The following LARP4B variants were observed in gnomAD, a reference collection of about 807,000 sequenced individuals.
The protein encoded by LARP4B is la-related protein 4B.
In LARP4B, 12 loss-of-function variants were observed where a neutral mutation model predicts 89.8. That is an observed-to-expected ratio of 0.13 (90% CI 0.09 to 0.22). LARP4B has a LOEUF of 0.22. Among genes scored for constraint, LARP4B ranks in the 10% least tolerant of loss-of-function variants. The probability of loss-of-function intolerance (pLI) is 1.00; values close to 1 mark genes in which losing one functional copy is unlikely to be tolerated. For missense variants in LARP4B, 757 were observed against 947.7 expected (o/e 0.80, Z 2.64); for synonymous variants, 367 against 363.3 (o/e 1.01, Z -0.12).
At chr10:956,205 C>G in the LARP4B span, among the ~76,000 whole-genome samples, 4 of 152,162 alleles carry the variant, frequency 2.6e-5, no homozygotes. This position sits in a 1 kb window ranked among gnomAD's most constrained non-coding sequence, Gnocchi z 4.3. Flanking sequence ...TACAGCTGAG[C>G]GTGACGGCAG....
intron 5 of LARP4B, among the ~76,000 whole-genome samples, chr10:847,851 C>T (rs1223683548): frequency 6.6e-6 from 1 of 152,158 alleles, no homozygotes; most frequent in African/African-American, 2.4e-5. Context: ...TTAAAGTAAC[C>T]CCCACAAGTC....
chr10:967,787 G>A, the LARP4B span, among the ~76,000 whole-genome samples: 15 of 152,220 alleles, frequency 9.9e-5, no homozygotes, highest in Non-Finnish European at 1.5e-4. Context: ...TGCAACCTCC[G>A]CCTCCTGGGC....
chr10:875,673 C>T (rs1162514219), intron 3 of LARP4B, among the ~76,000 whole-genome samples: 1 of 152,218 alleles, frequency 6.6e-6, no homozygotes, highest in African/African-American at 2.4e-5. Context: ...TGCACCATCA[C>T]ACATGTGAGG....
the LARP4B span, chr10:972,910 A>G: frequency 4.0e-5 from 18 of 454,920 alleles, no homozygotes; most frequent in South Asian, 2.6e-4. Flanking sequence ...GCTGAGCCAC[A>G]TCGAGTTTTC....
At chr10:904,918 T>C (rs1162860395) in intron 1 of LARP4B, among the ~76,000 whole-genome samples, 1 of 152,236 alleles carries the variant, frequency 6.6e-6, no homozygotes, top group Non-Finnish European at 1.5e-5. Flanking sequence ...CATGGGTGGC[T>C]GGGATGGTGA....
chr10:845,805 G>A (rs1424573041), intron 5 of LARP4B, among the ~76,000 whole-genome samples: 1 of 152,178 alleles, frequency 6.6e-6, no homozygotes, highest in African/African-American at 2.4e-5. Context: ...GCACTGAAAT[G>A]CTAAGAACTA....
At chr10:920,615 ACTATAAAAATAAGCTGGGCATGGTGACGT>A (rs1396525545) in intron 1 of LARP4B, among the ~76,000 whole-genome samples, 1 of 151,988 alleles carries the variant, frequency 6.6e-6, no homozygotes. Flanking sequence ...CTCTACTAAA[ACTATAAAAATAAGCTGGGCATGGTGACGT>A]GCCTGTAGTC....
At chr10:938,258 T>C in the LARP4B span, among the ~76,000 whole-genome samples, 1 of 148,912 alleles carries the variant, frequency 6.7e-6, no homozygotes, top group African/African-American at 2.5e-5. Context: ...TTTTCTTTTT[T>C]TTTTTTTTTG....
intron 1 of LARP4B, among the ~76,000 whole-genome samples, chr10:897,031 C>T (rs1282555611): frequency 3.4e-5 from 5 of 147,224 alleles, no homozygotes; most frequent in Non-Finnish European, 7.4e-5. Flanking sequence ...TGAGCTGATC[C>T]TAAAATTCCT....
At chr10:907,042 T>C (rs1045630832) in intron 1 of LARP4B, among the ~76,000 whole-genome samples, 1 of 152,142 alleles carries the variant, frequency 6.6e-6, no homozygotes, top group African/African-American at 2.4e-5. Flanking sequence ...ACTGAGATGC[T>C]CTCCCCATCC....
At chr10:914,833 GA>G (rs1308777058) in intron 1 of LARP4B, among the ~76,000 whole-genome samples, 1,710 of 59,196 alleles carry the variant, frequency 0.029, 27 homozygotes, top group African/African-American at 0.089. Flanking sequence ...CCCCAGCAAA[GA>G]AAAAAAAAAA....
chr10:901,232 A>G (rs1836335763), intron 1 of LARP4B, among the ~76,000 whole-genome samples: 1 of 152,188 alleles, frequency 6.6e-6, no homozygotes, highest in Non-Finnish European at 1.5e-5. Flanking sequence ...ATATTTCTTA[A>G]CAGAAATTTT....
intron 3 of LARP4B, among the ~76,000 whole-genome samples, chr10:870,832 A>G (rs1162938041): frequency 6.6e-6 from 1 of 152,220 alleles, no homozygotes. Flanking sequence ...TACCACCACT[A>G]ACAGAATTCT....
chr10:856,695 G>T (rs1343748484), intron 5 of LARP4B, among the ~76,000 whole-genome samples: 1 of 152,202 alleles, frequency 6.6e-6, no homozygotes, highest in East Asian at 1.9e-4. Context: ...ACTTTCTGGA[G>T]CTCGATCAGG....
At chr10:900,677 T>C (rs2131985637) in intron 1 of LARP4B, among the ~76,000 whole-genome samples, 1 of 149,372 alleles carries the variant, frequency 6.7e-6, no homozygotes, top group East Asian at 2.0e-4. Context: ...TGGAGTGCAG[T>C]GGCACAATCT....
chr10:858,724 G>C (rs1834432399), intron 5 of LARP4B, among the ~76,000 whole-genome samples: 4 of 152,150 alleles, frequency 2.6e-5, no homozygotes. Flanking sequence ...ATAGGCAAAG[G>C]ATTTGAATAG....
rs1347403425 is a variant in LARP4B, at chr10:931,654, G to C, written c.-266C>G. 5 of 154,220 alleles carry C rather than the reference G, an allele frequency of 3.2e-5. No homozygotes were observed. Among genetic ancestry groups the C allele is most frequent in the Non-Finnish European group, 5.7e-5 (4 of 69,836 alleles). 9.6% of individuals were successfully genotyped at this position (154,220 alleles called of 1,614,324 possible). On this transcript the variant is annotated 5_prime_UTR_variant, in exon 1 of 18. Coordinates refer to ENST00000316157, the MANE Select transcript of LARP4B (RefSeq NM_015155.3). ...TCGGGCCCGAAAATGTCTCAACCCC[G>C]GGACTCCAGATCCCCAACGCTCCTT...
chr10:872,960 C>A, intron 3 of LARP4B: 1 of 939,328 alleles, frequency 1.1e-6, no homozygotes. Context: ...CGCGCTAACG[C>A]CAGCTACACT....
At chr10:940,928 C>G in the LARP4B span, among the ~76,000 whole-genome samples, 1 of 152,034 alleles carries the variant, frequency 6.6e-6, no homozygotes, top group Non-Finnish European at 1.5e-5. Flanking sequence ...CTTGATTTGG[C>G]AAAATCACAG....
Sources: allele counts gnomAD v4.1 joint callset (sites outside exome capture counted in the v4.1 genomes callset), GRCh38; gene constraint gnomAD v4.1.1; non-coding constraint Gnocchi (gnomAD v3.1); transcripts MANE v1.5; gene names NCBI Gene and HGNC (gene_info 2026-07-23, HGNC 2026-07-21).